PTPRJ: variants seen among roughly 807,000 people sequenced by gnomAD.
PTPRJ encodes the protein receptor-type tyrosine-protein phosphatase eta.
Under a neutral mutation model 141.3 loss-of-function variants are expected in PTPRJ, and 129 were observed. That is an observed-to-expected ratio of 0.91 (90% CI 0.79 to 1.06). The LOEUF is 1.06. Among genes scored for constraint, PTPRJ ranks in the 50% least tolerant of loss-of-function variants. The pLI is 0.00. For synonymous variants in PTPRJ, 610 were observed against 640.5 expected, an observed-to-expected ratio of 0.95 and a Z score of 0.72; for missense variants, 1,601 against 1,679.7, an observed-to-expected ratio of 0.95 and a Z score of 0.82.
chr11:48,041,741 T>A (rs1854276545), intron 1 of PTPRJ, among the ~76,000 whole-genome samples: 1 of 151,992 alleles, frequency 6.6e-6, no homozygotes, highest in Admixed American at 6.6e-5. Flanking sequence ...CCTCCCACCT[T>A]AGCCTCCTGA....
intron 15 of PTPRJ, 56 bp from the exon 16 acceptor site, chr11:48,149,390 GA>G: frequency 8.4e-7 from 1 of 1,193,332 alleles, no homozygotes; most frequent in Admixed American, 2.1e-5. Flanking sequence ...ATACACAAGG[GA>G]AAAGCACAGG....
intron 1 of PTPRJ, among the ~76,000 whole-genome samples, chr11:48,030,276 C>T (rs139347207): frequency 1.8e-4 from 27 of 152,268 alleles, no homozygotes; most frequent in African/African-American, 4.8e-4. Flanking sequence ...AGTCAGTTAA[C>T]GGAGGCTTAA....
intron 1 of PTPRJ, among the ~76,000 whole-genome samples, chr11:48,036,287 C>T (rs1854121444): frequency 3.3e-5 from 5 of 152,218 alleles, no homozygotes; most frequent in Admixed American, 3.3e-4. Flanking sequence ...GGAGTCTGTC[C>T]CAGAGCTGAG....
intron 12 of PTPRJ, among the ~76,000 whole-genome samples, chr11:48,144,003 C>T (rs1431535758): frequency 6.6e-6 from 1 of 151,906 alleles, no homozygotes; most frequent in African/African-American, 2.4e-5. Flanking sequence ...AGACTACAGG[C>T]ATGAGCCTCT....
At chr11:48,062,007 C>T (rs554253075) in intron 1 of PTPRJ, among the ~76,000 whole-genome samples, 107 of 149,806 alleles carry the variant, frequency 7.1e-4, no homozygotes, top group African/African-American at 2.4e-3. Flanking sequence ...TGGGCTCAAA[C>T]GATCCCCCCA....
intron 8 of PTPRJ, among the ~76,000 whole-genome samples, chr11:48,134,481 G>A (rs940766338): frequency 1.3e-5 from 2 of 152,116 alleles, no homozygotes; most frequent in South Asian, 4.1e-4. Flanking sequence ...GAATCTGCTG[G>A]TAGGAAACAA....
At chr11:48,038,095 C>G (rs935066778) in intron 1 of PTPRJ, among the ~76,000 whole-genome samples, 1 of 152,002 alleles carries the variant, frequency 6.6e-6, no homozygotes, top group African/African-American at 2.4e-5. Flanking sequence ...TTGTATGGAG[C>G]GCTTTTCTAT....
At chr11:48,063,050 G>A (rs562228211) in intron 1 of PTPRJ, among the ~76,000 whole-genome samples, 2 of 152,268 alleles carry the variant, frequency 1.3e-5, no homozygotes, top group East Asian at 3.9e-4. Context: ...ACTTTGATCT[G>A]GATGCAGTGG....
At chr11:48,080,744 C>G (rs1432606808) in intron 1 of PTPRJ, among the ~76,000 whole-genome samples, 1 of 152,190 alleles carries the variant, frequency 6.6e-6, no homozygotes, top group East Asian at 1.9e-4. Flanking sequence ...GTAAAACTGC[C>G]CCTGACACCC....
chr11:48,154,052 C>T lies in PTPRJ; in HGVS notation c.3229+166C>T, dbSNP rs186266506. ...TTATTCACCTACTATGTGCTAAGCA[C>T]TATATTTAGGTGCATTCTCTTAAAT... On this transcript the variant is annotated intron_variant, in intron 19 of 24. Coordinates refer to ENST00000418331, the MANE Select transcript of PTPRJ (RefSeq NM_002843.4). Among the ~76,000 whole-genome samples the T allele has an allele frequency of 1.3e-3, 193 of 152,312 alleles. 3 individuals carry two copies. The highest frequency in any genetic ancestry group is 1.3e-4 in the Non-Finnish European group (9 of 68,026).
rs565286996 is a variant in PTPRJ, at chr11:48,043,972, C to G, written c.96+62964C>G. 1.6e-4 allele frequency among the ~76,000 whole-genome samples: 24 copies of G among 152,326 alleles called. No individual in the cohort carries two copies. The East Asian group carries it at 4.6e-3, about 29-fold the overall frequency. On this transcript the variant is annotated intron_variant, in intron 1 of 24. Transcript: ENST00000418331. ...TTTGACATCCTCAGTGTGCAGCCCT[C>G]TCCCCTCCCTCTGAAGGGAGGCATA...
intron 1 of PTPRJ, among the ~76,000 whole-genome samples, chr11:48,094,032 G>A (rs1855940336): frequency 6.6e-6 from 1 of 152,160 alleles, no homozygotes; most frequent in Non-Finnish European, 1.5e-5. Flanking sequence ...TTTTTCCCTG[G>A]TGGGTCATTG....
At chr11:48,104,042 C>T (rs763024518) in intron 1 of PTPRJ, among the ~76,000 whole-genome samples, 13 of 152,224 alleles carry the variant, frequency 8.5e-5, no homozygotes, top group Non-Finnish European at 1.6e-4. Flanking sequence ...TCCCTGATGA[C>T]AGCATGAAGT....
chr11:47,985,325 T>A (rs1378797213), intron 1 of PTPRJ, among the ~76,000 whole-genome samples: 1 of 151,912 alleles, frequency 6.6e-6, no homozygotes, highest in Non-Finnish European at 1.5e-5. Flanking sequence ...TTTTTTTTTT[T>A]AATAGAGATG....
intron 1 of PTPRJ, among the ~76,000 whole-genome samples, chr11:48,018,634 C>G (rs918318364): frequency 1.4e-4 from 21 of 152,172 alleles, no homozygotes; most frequent in Admixed American, 2.6e-4. Flanking sequence ...GAAGCAGTTT[C>G]AGTGAGAACC....
In PTPRJ at chr11:47,980,658, C is replaced by T. The variant is rs1470821345; in HGVS notation, c.-255C>T. The T allele has an allele frequency of 2.0e-6, 2 of 985,472 alleles. No homozygotes were observed. Among genetic ancestry groups the T allele is most frequent in the African/African-American group, 3.5e-5 (2 of 56,914 alleles). 61.0% of individuals were successfully genotyped at this position (985,472 alleles called of 1,614,324 possible). Reference sequence around the variant, plus strand: ...GGGGTGGGCGCCGCTCGCTCCGCCCCGCGAAGCCCCTGCGCGCTCAGGGAC... The same window carrying T: ...GGGGTGGGCGCCGCTCGCTCCGCCCTGCGAAGCCCCTGCGCGCTCAGGGAC... On this transcript the variant is annotated 5_prime_UTR_variant, in exon 1 of 25. Transcript: ENST00000418331.
At chr11:48,104,090 C>A (rs1036868860) in intron 1 of PTPRJ, among the ~76,000 whole-genome samples, 3 of 152,194 alleles carry the variant, frequency 2.0e-5, no homozygotes, top group African/African-American at 4.8e-5. Flanking sequence ...GGGAAGCCGG[C>A]CTGTTCTCAT....
At chr11:47,995,754 TG>T (rs1435379220) in intron 1 of PTPRJ, among the ~76,000 whole-genome samples, 5 of 152,148 alleles carry the variant, frequency 3.3e-5, no homozygotes, top group African/African-American at 1.2e-4. Context: ...AAGAGGAACG[TG>T]GGGGTCAGGC....
intron 1 of PTPRJ, among the ~76,000 whole-genome samples, chr11:48,000,346 A>G (rs780911948): frequency 6.6e-6 from 1 of 150,580 alleles, no homozygotes; most frequent in Middle Eastern, 3.4e-3. Context: ...GGGTCTCACT[A>G]TGTTGCCACA....
Sources: allele counts gnomAD v4.1 joint callset (sites outside exome capture counted in the v4.1 genomes callset), GRCh38; gene constraint gnomAD v4.1.1; transcripts MANE v1.5; gene names NCBI Gene and HGNC (gene_info 2026-07-23, HGNC 2026-07-21).